The following PCDHA7 variants were observed in gnomAD, a reference collection of about 807,000 sequenced individuals.
PCDHA7 encodes the protein protocadherin alpha-7.
A neutral mutation model predicts 57.2 loss-of-function variants in PCDHA7; 37 were observed. That is an observed-to-expected ratio of 0.65 (90% CI 0.50 to 0.85). PCDHA7 has a LOEUF of 0.85. Ranked by LOEUF, PCDHA7 falls within the 40% of genes least tolerant of loss-of-function variation. The pLI, the probability that PCDHA7 is intolerant of heterozygous loss-of-function variation, is 0.00. For missense variants in PCDHA7, 1,188 were observed against 1,241.8 expected, an observed-to-expected ratio of 0.96 and a Z score of 0.65; for synonymous variants, 553 against 558.8, an observed-to-expected ratio of 0.99 and a Z score of 0.15.
At position 140,882,068 on chromosome 5, in the gene PCDHA7, C is replaced by A. The variant is rs1219461637; in HGVS notation, c.2355+45330C>A. 8.4e-6 allele frequency: 7 copies of A among 837,710 alleles called. No homozygotes were observed. The East Asian group carries it at 1.9e-4, about 22-fold the overall frequency. The allele number at this position is 837,710 out of a possible 1,614,324, so 51.9% of individuals were successfully genotyped here. On this transcript the variant is annotated intron_variant, in intron 1 of 3. Coordinates refer to ENST00000525929, the MANE Select transcript of PCDHA7 (RefSeq NM_018910.3). ...TCATACTTACACTTACACGTTCATG[C>A]GCATGGTGTCGCTCTTCACTGAGAA...
At chr5:140,952,515 C>G (rs2094758109) in intron 1 of PCDHA7, among the ~76,000 whole-genome samples, 1 of 152,132 alleles carries the variant, frequency 6.6e-6, no homozygotes, top group Non-Finnish European at 1.5e-5. Context: ...TCATCTCCAT[C>G]TGAGACCTCC....
intron 1 of PCDHA7, among the ~76,000 whole-genome samples, chr5:140,936,053 C>A (rs576745037): frequency 1.3e-5 from 2 of 151,934 alleles, no homozygotes; most frequent in African/African-American, 4.8e-5. Context: ...CCACCACACC[C>A]GGCTAATTTT....
At chr5:141,007,970 T>C (rs986378123) in intron 3 of PCDHA7, among the ~76,000 whole-genome samples, 3 of 152,248 alleles carry the variant, frequency 2.0e-5, no homozygotes, top group Admixed American at 6.5e-5. Flanking sequence ...TCTGGGTGTC[T>C]GTCATGTATA....
In PCDHA7 at chr5:140,836,623, G is replaced by C. The variant is rs2150266037; in HGVS notation, c.2240G>C (p.Ser747Thr). 44 of 1,613,510 alleles carry C rather than the reference G, an allele frequency of 2.7e-5. 1 individual carries two copies. The highest frequency in any genetic ancestry group is 4.5e-5 in the East Asian group (2 of 44,856). Residue 747 changes from serine to threonine, a missense_variant, in exon 1 of 4, where the codon AGC becomes ACC. Around this residue, in one of 3 missense-constraint regions of PCDHA7, gnomAD observed 892 missense variants for 788.5 expected, o/e 1.13. Transcript: ENST00000525929. ...PTLVCSSAVG[S>T]WSFSQQRRQR... is the part of the protein sequence containing the mutation. ...CTGGTGTGCTCCAGCGCGGTGGGGA[G>C]CTGGTCATTCTCCCAGCAGAGGCGG...
intron 1 of PCDHA7, among the ~76,000 whole-genome samples, chr5:140,914,442 CT>C (rs782585142): frequency 1.5e-4 from 23 of 152,072 alleles, no homozygotes; most frequent in Non-Finnish European, 2.9e-4. Context: ...TTTCCCATGT[CT>C]TTATTTTCCA....
rs1436841742 is a variant in PCDHA7, at chr5:140,852,718, G to A, written c.2355+15980G>A. 4.1e-6 allele frequency: 4 copies of A among 981,606 alleles called. 1 individual carries two copies. The highest frequency in any genetic ancestry group is 4.9e-6 in the Non-Finnish European group (4 of 814,578). 60.8% of individuals were successfully genotyped at this position (981,606 alleles called of 1,614,324 possible). ...CTTTCAAGTATCTTTGTCTTTGCAC[G>A]TTTTTCAAGTTTCATGTGCCATTTA... is the stretch of plus-strand genomic sequence containing the variant. On this transcript the variant is annotated intron_variant, in intron 1 of 3. Coordinates refer to ENST00000525929, the MANE Select transcript of PCDHA7 (RefSeq NM_018910.3).
chr5:140,929,291 A>G (rs782335969), intron 1 of PCDHA7: 19 of 1,596,972 alleles, frequency 1.2e-5, no homozygotes, highest in Non-Finnish European at 1.6e-5. Flanking sequence ...CAGATTCGGA[A>G]TAGGAAAGGG....
chr5:140,986,545 G>T (rs1554248133), intron 3 of PCDHA7, among the ~76,000 whole-genome samples: 1 of 152,172 alleles, frequency 6.6e-6, no homozygotes, highest in East Asian at 1.9e-4. Context: ...GCTTCAGTGG[G>T]CCAGGCTGCT....
At chr5:140,892,136 G>T (rs1441807118) in intron 1 of PCDHA7, among the ~76,000 whole-genome samples, 1 of 152,254 alleles carries the variant, frequency 6.6e-6, no homozygotes, top group East Asian at 1.9e-4. Flanking sequence ...TAAGCTCATG[G>T]TTTTAGCGTC....
rs369919324 is a variant in PCDHA7 at position 140,857,387 on chromosome 5, G to T, written c.2355+20649G>T. 3.0e-5 allele frequency: 48 copies of T among 1,598,472 alleles called. 4 individuals carry two copies. The highest frequency in any genetic ancestry group is 3.3e-5 in the Non-Finnish European group (38 of 1,167,956). ...CAGCGTGTCTGTGGAGGTGGCCGAC[G>T]TGAACGACAACGCGCCTGCGTTCGC... is the stretch of plus-strand genomic sequence containing the variant. On this transcript the variant is annotated intron_variant, in intron 1 of 3. Transcript: ENST00000525929.
chr5:140,917,324 C>CGGGGGGG (rs1299895515), intron 1 of PCDHA7, among the ~76,000 whole-genome samples: 2 of 76,152 alleles, frequency 2.6e-5, no homozygotes, highest in African/African-American at 4.3e-5. Flanking sequence ...GTTCATGTGG[C>CGGGGGGG]GGGGGAGGGG....
At chr5:140,999,001 C>T (rs1405051280) in intron 3 of PCDHA7, among the ~76,000 whole-genome samples, 3 of 152,214 alleles carry the variant, frequency 2.0e-5, no homozygotes, top group Non-Finnish European at 4.4e-5. Flanking sequence ...AATGCTGGAG[C>T]TGAGATTTGA....
At chr5:140,856,545 T>C in intron 1 of PCDHA7, 1 of 1,598,250 alleles carries the variant, frequency 6.3e-7, no homozygotes, top group South Asian at 1.1e-5. Context: ...GAGAACGCAT[T>C]GCTTACTTAC....
chr5:141,010,438 CAAAT>C lies in PCDHA7; in HGVS notation c.*505_*508del, dbSNP rs2098417279. On this transcript the variant is annotated 3_prime_UTR_variant, in exon 4 of 4. Transcript: ENST00000525929. ...TACAAGGAAGGCAAGAAAACAAAGA[CAAAT>C]AAACAGCGGAAGTTATCAGTATGGA... 2.0e-6 allele frequency: 2 copies of C among 998,926 alleles called. No homozygotes were observed. The highest frequency in any genetic ancestry group is 2.8e-6 in the Non-Finnish European group (2 of 704,790). The allele number at this position is 998,926 out of a possible 1,614,324, so 61.9% of individuals were successfully genotyped here.
chr5:140,909,787 A>C (rs1299398218), intron 1 of PCDHA7, among the ~76,000 whole-genome samples: 2 of 152,156 alleles, frequency 1.3e-5, no homozygotes, highest in African/African-American at 4.8e-5. Flanking sequence ...ACCCACTCTA[A>C]GTCAGACTTC....
intron 1 of PCDHA7, chr5:140,884,416 G>T (rs1035372416): frequency 1.2e-6 from 2 of 1,614,006 alleles, no homozygotes; most frequent in East Asian, 4.5e-5. Flanking sequence ...TCACGTTGCT[G>T]CTGTATACTG....
intron 3 of PCDHA7, among the ~76,000 whole-genome samples, chr5:140,997,130 C>T (rs1480730795): frequency 6.6e-6 from 1 of 151,984 alleles, no homozygotes; most frequent in Non-Finnish European, 1.5e-5. Flanking sequence ...TACACAATGC[C>T]CCCACACCCC....
intron 1 of PCDHA7, among the ~76,000 whole-genome samples, chr5:140,975,707 A>C (rs1445809800): frequency 6.6e-6 from 1 of 152,204 alleles, no homozygotes; most frequent in African/African-American, 2.4e-5. Context: ...ATTTTACTTT[A>C]AATCTTAGAA....
rs782319322 is a variant in PCDHA7, at chr5:140,870,788, C to T, written c.2355+34050C>T. 6 of 1,613,518 alleles carry T rather than the reference C, an allele frequency of 3.7e-6. No individual in the cohort carries two copies. The Admixed American group carries it at 6.7e-5, about 18-fold the overall frequency. On this transcript the variant is annotated intron_variant, in intron 1 of 3. Coordinates refer to ENST00000525929, the MANE Select transcript of PCDHA7 (RefSeq NM_018910.3). Reference sequence around the variant, plus strand: ...GTGCTGGACGAGAACGACAACGCGCCGGCACTGCTGGCGACTCAGGCTGGC... The same window carrying T: ...GTGCTGGACGAGAACGACAACGCGCTGGCACTGCTGGCGACTCAGGCTGGC...
Sources: gnomAD v4.1 joint callset for allele counts (sites outside exome capture counted in the v4.1 genomes callset) on GRCh38, gnomAD v4.1.1 for gene constraint, gnomAD v4.1.1 regional missense constraint, MANE v1.5 for transcripts, NCBI Gene and HGNC (gene_info 2026-07-23, HGNC 2026-07-21) for gene names.